Variants in CPS1 observed in about 807,000 individuals in gnomAD.
CPS1 encodes the protein carbamoyl-phosphate synthase [ammonia], mitochondrial.
Under a neutral mutation model 174.6 loss-of-function variants are expected in CPS1, and 109 were observed. That is an observed-to-expected ratio of 0.62 (90% confidence interval 0.53 to 0.73). The LOEUF (loss-of-function observed/expected upper bound fraction) is 0.73, where lower values mean the gene tolerates loss of function less well. Among genes scored for constraint, CPS1 ranks in the 30% least tolerant of loss-of-function variants. The pLI, the probability that CPS1 is intolerant of heterozygous loss-of-function variation, is 0.00. For missense variants in CPS1, 1,689 were observed against 1,821.9 expected (o/e 0.93, Z 1.33); for synonymous variants, 637 against 632.0 (o/e 1.01, Z -0.12).
intron 20 of CPS1, among the ~76,000 whole-genome samples, chr2:210,614,984 G>A (rs999803480): frequency 6.6e-6 from 1 of 151,782 alleles, no homozygotes; most frequent in Non-Finnish European, 1.5e-5. Flanking sequence ...GTATACCTAT[G>A]TAACAAACCT....
chr2:210,519,187 G>T (rs768935404), intron 1 of CPS1, among the ~76,000 whole-genome samples: 4 of 151,988 alleles, frequency 2.6e-5, no homozygotes, highest in Non-Finnish European at 4.4e-5. Context: ...TGCCTTATCA[G>T]AGTTGCTATT....
intron 23 of CPS1, 88 bp downstream of exon 23, chr2:210,639,303 A>G: frequency 9.3e-7 from 1 of 1,073,082 alleles, no homozygotes; most frequent in Non-Finnish European, 1.4e-6. Context: ...ACCTCTTTGG[A>G]TATCTAGGTA....
chr2:210,596,509 C>T (rs977055878), intron 13 of CPS1, among the ~76,000 whole-genome samples: 3 of 151,844 alleles, frequency 2.0e-5, no homozygotes, highest in South Asian at 2.1e-4. Flanking sequence ...ACCTGATGGG[C>T]GTCTGTTGAA....
intron 1 of CPS1, among the ~76,000 whole-genome samples, chr2:210,494,086 C>G (rs2105954517): frequency 6.6e-6 from 1 of 152,258 alleles, no homozygotes; most frequent in African/African-American, 2.4e-5. Flanking sequence ...GGCTTTACTT[C>G]TAGTCTTCAA....
At chr2:210,554,530 G>T (rs1344629694), upstream of CPS1, among the ~76,000 whole-genome samples, 1 of 151,708 alleles carries the variant, frequency 6.6e-6, no homozygotes, top group Non-Finnish European at 1.5e-5. Flanking sequence ...TACTTCCACT[G>T]TCATATTTGA....
intron 21 of CPS1, among the ~76,000 whole-genome samples, chr2:210,625,410 A>T (rs1665026308): frequency 6.6e-6 from 1 of 152,124 alleles, no homozygotes; most frequent in African/African-American, 2.4e-5. Context: ...GGTTAGAAAC[A>T]AAAGCTCTTA....
At chr2:210,522,741 G>A (rs1695859948) in intron 1 of CPS1, among the ~76,000 whole-genome samples, 2 of 151,960 alleles carry the variant, frequency 1.3e-5, no homozygotes, top group South Asian at 4.1e-4. Context: ...ATTAGAAAGA[G>A]CATACCACCA....
intron 33 of CPS1, among the ~76,000 whole-genome samples, chr2:210,667,452 T>C (rs1044832249): frequency 2.0e-5 from 3 of 152,180 alleles, no homozygotes; most frequent in Non-Finnish European, 4.4e-5. Flanking sequence ...ATGTTGGCTA[T>C]TTGACTTGTA....
At chr2:210,529,922 A>G (rs990316433) in intron 1 of CPS1, among the ~76,000 whole-genome samples, 1 of 152,030 alleles carries the variant, frequency 6.6e-6, no homozygotes, top group East Asian at 1.9e-4. Flanking sequence ...AGTCAAAAGC[A>G]TTTTCAAATC....
intron 6 of CPS1, among the ~76,000 whole-genome samples, chr2:210,587,321 C>T (rs757915635): frequency 4.6e-5 from 7 of 152,032 alleles, no homozygotes; most frequent in East Asian, 1.9e-4. Flanking sequence ...AAGCAGGAAC[C>T]GGTGTGTGTG....
chr2:210,554,533 A>G (rs1329734486), upstream of CPS1, among the ~76,000 whole-genome samples: 2 of 152,058 alleles, frequency 1.3e-5, no homozygotes, highest in East Asian at 3.9e-4. Flanking sequence ...TTCCACTGTC[A>G]TATTTGATTA....
At chr2:210,538,523 C>T (rs1376483152) in intron 1 of CPS1, among the ~76,000 whole-genome samples, 1 of 151,866 alleles carries the variant, frequency 6.6e-6, no homozygotes, top group Non-Finnish European at 1.5e-5. Flanking sequence ...TAGAAATTAT[C>T]TTGTCTACAA....
At chr2:210,480,954 A>G (rs539059102) in intron 1 of CPS1, among the ~76,000 whole-genome samples, 20 of 152,214 alleles carry the variant, frequency 1.3e-4, no homozygotes, top group Non-Finnish European at 2.8e-4. Context: ...GAACATAAAC[A>G]GATGTACACC....
chr2:210,559,741 C>T (rs1697037995), intron 1 of CPS1, among the ~76,000 whole-genome samples: 1 of 152,078 alleles, frequency 6.6e-6, no homozygotes, highest in Admixed American at 6.5e-5. Context: ...TATGCATTTC[C>T]TAATGCCCTG....
chr2:210,637,344 A>C (rs372862871), intron 21 of CPS1, among the ~76,000 whole-genome samples: 1 of 152,206 alleles, frequency 6.6e-6, no homozygotes, highest in Non-Finnish European at 1.5e-5. Flanking sequence ...CAGGTTGAGG[A>C]AAATGAAAAC....
Position 210,678,630 on chromosome 2 carries a change from C to T in CPS1, c.*645C>T, listed in dbSNP as rs1213903690. 6.5e-6 allele frequency: 1 copy of T among 154,232 alleles called. No homozygotes were observed. The highest frequency in any genetic ancestry group is 2.0e-4 in the South Asian group (1 of 4,944). 9.6% of individuals were successfully genotyped at this position (154,232 alleles called of 1,614,324 possible). On this transcript the variant is annotated 3_prime_UTR_variant, in exon 38 of 38. Coordinates refer to ENST00000233072, the MANE Select transcript of CPS1 (RefSeq NM_001875.5). ...TTTTTCTTTTTGAGATGGAGTCACACTCTCCAGGCTGGAGTGCAGTGGCAC... is the reference window on the plus strand; with the variant it reads ...TTTTTCTTTTTGAGATGGAGTCACATTCTCCAGGCTGGAGTGCAGTGGCAC...
chr2:210,642,403 C>A (rs950164098), intron 24 of CPS1, 81 bp from the exon 25 acceptor site: 2 of 1,502,396 alleles, frequency 1.3e-6, no homozygotes, highest in African/African-American at 2.8e-5. Flanking sequence ...CCTGGACTGA[C>A]TGGTGATACA....
At chr2:210,482,343 G>C (rs925081266) in intron 1 of CPS1, among the ~76,000 whole-genome samples, 1 of 148,362 alleles carries the variant, frequency 6.7e-6, no homozygotes, top group Non-Finnish European at 1.5e-5. Context: ...GTCTCGCTCT[G>C]TCTCCCAGGC....
At position 210,576,343 on chromosome 2, in the gene CPS1, C is replaced by A; in HGVS notation, c.237-3C>A. The A allele has an allele frequency of 6.2e-7, 1 of 1,613,460 alleles. No individual in the cohort carries two copies. Among genetic ancestry groups the A allele is most frequent in the Non-Finnish European group, 8.5e-7 (1 of 1,179,550 alleles). On this transcript the variant is annotated splice_polypyrimidine_tract_variant and splice_region_variant and intron_variant, in intron 2 of 37. Transcript: ENST00000233072. ...CTGATAATTTTTTGGCATGTTTACC[C>A]AGGTACCCAGAAGCTATTACTGACC...
Sources: gnomAD v4.1 joint callset for allele counts (sites outside exome capture counted in the v4.1 genomes callset) on GRCh38, gnomAD v4.1.1 for gene constraint, MANE v1.5 for transcripts, NCBI Gene and HGNC (gene_info 2026-07-23, HGNC 2026-07-21) for gene names.